ZC3H7B: variants seen among roughly 807,000 people sequenced by gnomAD.
The protein encoded by ZC3H7B is zinc finger CCCH-type containing 7B.
ZC3H7B carries 35 observed loss-of-function variants against 116.0 expected under a neutral mutation model. The observed-to-expected ratio is 0.30, with a 90% CI of 0.23 to 0.40. The LOEUF (loss-of-function observed/expected upper bound fraction) is 0.40, where lower values mean the gene tolerates loss of function less well. ZC3H7B is among the 10% of genes least tolerant of loss of function. ZC3H7B has a pLI of 1.00. For synonymous variants in ZC3H7B, 502 were observed against 545.6 expected (o/e 0.92, Z 1.11); for missense variants, 1,011 against 1,321.5 (o/e 0.77, Z 3.64).
intron 2 of ZC3H7B, among the ~76,000 whole-genome samples, chr22:41,322,104 G>A (rs1415778667): frequency 6.6e-6 from 1 of 151,692 alleles, no homozygotes; most frequent in Non-Finnish European, 1.5e-5. Flanking sequence ...CTCCCAAAGT[G>A]CTGGGATTAC....
intron 11 of ZC3H7B, among the ~76,000 whole-genome samples, chr22:41,341,877 C>T (rs1481135407): frequency 6.6e-6 from 1 of 152,096 alleles, no homozygotes; most frequent in Non-Finnish European, 1.5e-5. Flanking sequence ...GCCTGGCCAA[C>T]ATGGTGATAC....
intron 16 of ZC3H7B, among the ~76,000 whole-genome samples, chr22:41,350,243 T>G (rs57976440): frequency 6.6e-6 from 1 of 152,108 alleles, no homozygotes; most frequent in African/African-American, 2.4e-5. Flanking sequence ...GTAGAGCAGC[T>G]TAGTCAGTAG....
intron 2 of ZC3H7B, among the ~76,000 whole-genome samples, chr22:41,321,176 A>G (rs1370998539): frequency 6.7e-6 from 1 of 150,030 alleles, no homozygotes; most frequent in African/African-American, 2.5e-5. Flanking sequence ...CCTCCCATGT[A>G]GCTGGGAGCA....
chr22:41,314,432 C>T (rs1404038782), intron 1 of ZC3H7B, among the ~76,000 whole-genome samples: 1 of 151,960 alleles, frequency 6.6e-6, no homozygotes, highest in Non-Finnish European at 1.5e-5. Context: ...GCTGGGATTA[C>T]AGGTGTGAGC....
At chr22:41,308,246 C>A (rs143204375) in intron 1 of ZC3H7B, among the ~76,000 whole-genome samples, 14 of 152,106 alleles carry the variant, frequency 9.2e-5, no homozygotes, top group African/African-American at 3.4e-4. Context: ...GGGGCTCTGG[C>A]CCTCCTGGGG....
intron 1 of ZC3H7B, among the ~76,000 whole-genome samples, chr22:41,316,596 C>CTT (rs371933916): frequency 0.026 from 2,577 of 98,838 alleles, 167 homozygotes; most frequent in African/African-American, 0.054. Flanking sequence ...CACACCTGGC[C>CTT]TTTTTTTTTT....
chr22:41,329,942 T>A (rs1329133865), intron 5 of ZC3H7B, 81 bp from the exon 6 acceptor site: 2 of 1,474,562 alleles, frequency 1.4e-6, no homozygotes, highest in Non-Finnish European at 1.9e-6. Flanking sequence ...CCTCCCTCCG[T>A]AGGGCTGCAC....
intron 2 of ZC3H7B, among the ~76,000 whole-genome samples, chr22:41,320,964 C>G (rs1010572827): frequency 1.3e-5 from 2 of 152,296 alleles, no homozygotes; most frequent in South Asian, 4.1e-4. Context: ...TCTGCCCTCA[C>G]CCTTCACATT....
chr22:41,319,152 A>G (rs2036220911), intron 1 of ZC3H7B, among the ~76,000 whole-genome samples: 1 of 152,180 alleles, frequency 6.6e-6, no homozygotes, highest in Admixed American at 6.6e-5. Flanking sequence ...CTGTAATCCC[A>G]GCACTTTGGG....
At chr22:41,342,315 C>G (rs2036532885) in intron 11 of ZC3H7B, among the ~76,000 whole-genome samples, 1 of 152,184 alleles carries the variant, frequency 6.6e-6, no homozygotes, top group Non-Finnish European at 1.5e-5. Context: ...ATGCTGGGAC[C>G]AAGGTGGTCC....
intron 1 of ZC3H7B, among the ~76,000 whole-genome samples, chr22:41,307,647 A>G (rs1235398389): frequency 3.9e-5 from 6 of 152,286 alleles, no homozygotes; most frequent in African/African-American, 1.2e-4. Context: ...AGCAGCCCCC[A>G]TATGGTTAAC....
intron 5 of ZC3H7B, among the ~76,000 whole-genome samples, chr22:41,328,358 C>A (rs1437405689): frequency 6.6e-6 from 1 of 152,208 alleles, no homozygotes; most frequent in Non-Finnish European, 1.5e-5. Context: ...AGGGAACTCT[C>A]TCTTTTCCCA....
Position 41,302,770 on chromosome 22 carries a change from G to A in ZC3H7B, c.-7+998G>A, listed in dbSNP as rs972959295. On this transcript the variant is annotated intron_variant, in intron 1 of 22. Coordinates refer to ENST00000352645, the MANE Select transcript of ZC3H7B (RefSeq NM_017590.6). The surrounding 1 kb of genome is among the most constrained non-coding windows in gnomAD (Gnocchi z 5.7). ...AAAACAGCTCACTCTGATAGAACCT[G>A]ATGGCTGTATTGCCAACAGGGCATT... Among the ~76,000 whole-genome samples, 3 of 152,046 alleles carry A rather than the reference G, an allele frequency of 2.0e-5. No homozygotes were observed. The highest frequency in any genetic ancestry group is 7.3e-5 in the African/African-American group (3 of 41,378).
chr22:41,332,579 A>G (rs1027265205), intron 7 of ZC3H7B: 1 of 247,714 alleles, frequency 4.0e-6, no homozygotes, highest in South Asian at 7.9e-5. Flanking sequence ...CTGGGCCTCA[A>G]ATGTCTTCCT....
intron 1 of ZC3H7B, among the ~76,000 whole-genome samples, chr22:41,308,940 A>G (rs2036081992): frequency 6.8e-6 from 1 of 147,794 alleles, no homozygotes; most frequent in African/African-American, 2.5e-5. Flanking sequence ...CCTATCTTCC[A>G]TGGCTGGCTA....
Position 41,355,770 on chromosome 22 carries a change from C to CG in ZC3H7B, c.2184dup (p.Arg729AlafsTer24). 6.2e-7 allele frequency: 1 copy of CG among 1,611,540 alleles called. No individual in the cohort carries two copies. Among genetic ancestry groups the CG allele is most frequent in the Non-Finnish European group, 8.5e-7 (1 of 1,178,922 alleles). On this transcript the variant is annotated frameshift_variant, in exon 19 of 23. Transcript: ENST00000352645. LOFTEE classifies it high-confidence loss of function. ...TCTGTCCTGCAGCTGGACCAAGGAG[C>CG]GGCGGGTCCTTCTGGTGATGTCCAA...
chr22:41,308,933 A>G (rs1402413483), intron 1 of ZC3H7B, among the ~76,000 whole-genome samples: 1 of 149,632 alleles, frequency 6.7e-6, no homozygotes, highest in Non-Finnish European at 1.5e-5. Context: ...CCCACCTCCT[A>G]TCTTCCATGG....
chr22:41,343,691 A>C, intron 13 of ZC3H7B, 115 bp downstream of exon 13: 2 of 1,369,660 alleles, frequency 1.5e-6, no homozygotes, highest in Non-Finnish European at 1.9e-6. Flanking sequence ...TCACAGCTGC[A>C]CGGGAGGAGA....
chr22:41,342,602 C>T lies in ZC3H7B; in HGVS notation c.1271C>T (p.Ala424Val). The T allele has an allele frequency of 6.2e-7, 1 of 1,612,968 alleles. No individual in the cohort carries two copies. The highest frequency in any genetic ancestry group is 8.5e-7 in the Non-Finnish European group (1 of 1,179,876). The change falls in exon 12 of 23, where the codon GCC (alanine) becomes GTC (valine). Residue 424 changes from alanine to valine, a missense_variant. By Grantham distance (64) the Ala-to-Val change is moderately conservative (BLOSUM62 0). This residue lies in a region of ZC3H7B where 179 missense variants were observed against 178.5 expected (regional missense o/e 1.00). Transcript: ENST00000352645. ...GCTGCCACCCACGAGTTCAAGCAGG[C>T]CTGCCAGCTCTGCTACCCCAAGACA... ...PLAATHEFKQ[A>V]CQLCYPKTGP...
Sources: allele counts gnomAD v4.1 joint callset (sites outside exome capture counted in the v4.1 genomes callset), GRCh38; gene constraint gnomAD v4.1.1; regional missense constraint gnomAD v4.1.1; non-coding constraint Gnocchi (gnomAD v3.1); transcripts MANE v1.5; gene names NCBI Gene and HGNC (gene_info 2026-07-23, HGNC 2026-07-21).